The following SLC8A3 variants were observed in gnomAD, a reference collection of about 807,000 sequenced individuals.
SLC8A3 encodes the protein sodium/calcium exchanger 3.
Under a neutral mutation model 65.4 loss-of-function variants are expected in SLC8A3, and 37 were observed. That is an observed-to-expected ratio of 0.57 (90% CI 0.44 to 0.74). The LOEUF (loss-of-function observed/expected upper bound fraction) is 0.74. Among genes scored for constraint, SLC8A3 ranks in the 30% least tolerant of loss-of-function variants. The pLI is 0.00. For missense variants in SLC8A3, 1,112 were observed against 1,172.1 expected, an observed-to-expected ratio of 0.95 and a Z score of 0.75; for synonymous variants, 461 against 444.5, an observed-to-expected ratio of 1.04 and a Z score of -0.47.
intron 2 of SLC8A3, among the ~76,000 whole-genome samples, chr14:70,124,500 T>C (rs1390585805): frequency 6.6e-6 from 1 of 152,264 alleles, no homozygotes; most frequent in Non-Finnish European, 1.5e-5. Flanking sequence ...ATCCTGATGA[T>C]TCATTTATGA....
chr14:70,154,145 A>T (rs960735894), intron 2 of SLC8A3, among the ~76,000 whole-genome samples: 5 of 152,238 alleles, frequency 3.3e-5, no homozygotes, highest in African/African-American at 1.2e-4. Context: ...TTAAAGAAGA[A>T]ACGTAGAATG....
intron 2 of SLC8A3, among the ~76,000 whole-genome samples, chr14:70,095,518 C>T (rs1181560789): frequency 6.6e-6 from 1 of 152,222 alleles, no homozygotes; most frequent in Non-Finnish European, 1.5e-5. Flanking sequence ...GGCTTCCTTC[C>T]CGGCCTCCTT....
At chr14:70,077,504 G>A (rs1000341290) in intron 2 of SLC8A3, among the ~76,000 whole-genome samples, 3 of 152,080 alleles carry the variant, frequency 2.0e-5, no homozygotes, top group South Asian at 2.1e-4. Context: ...GGCTTCCAGG[G>A]TCCTGTTTTT....
chr14:70,174,651 GT>G lies in SLC8A3; in HGVS notation c.-62-6168del, dbSNP rs1286502376. On this transcript the variant is annotated intron_variant, in intron 1 of 6. Coordinates refer to ENST00000356921, the MANE Select transcript of SLC8A3 (RefSeq NM_182932.3). ...CCAAAAAGCCCCTTGGACCAAATCC[GT>G]TTTTTTTTTGTTTTTTTTTTTTTTT... Among the ~76,000 whole-genome samples the G allele has an allele frequency of 4.0e-3, 362 of 90,366 alleles. 2 individuals carry two copies. Among genetic ancestry groups the G allele is most frequent in the African/African-American group, 0.017 (335 of 20,254 alleles). The allele number at this position is 90,366 out of a possible 152,430, so 59.3% of individuals were successfully genotyped here. A position where few individuals can be genotyped will look rare whatever the true frequency, so the allele number is the denominator to read the frequency against.
intron 2 of SLC8A3, among the ~76,000 whole-genome samples, chr14:70,145,648 T>C (rs978471674): frequency 1.3e-5 from 2 of 152,178 alleles, no homozygotes; most frequent in Non-Finnish European, 2.9e-5. Flanking sequence ...GTCAAACAGA[T>C]CATTGTTTTC....
chr14:70,137,786 C>CT (rs36057761), intron 2 of SLC8A3, among the ~76,000 whole-genome samples: 32,564 of 132,082 alleles, frequency 0.25, 4,553 homozygotes, highest in East Asian at 0.45. Context: ...CTGGTGGTGC[C>CT]TTTTTTTTTT....
At chr14:70,106,962 G>A (rs923476204) in intron 2 of SLC8A3, among the ~76,000 whole-genome samples, 12 of 152,126 alleles carry the variant, frequency 7.9e-5, no homozygotes, top group African/African-American at 2.9e-4. Flanking sequence ...CATAAAAGAT[G>A]AGAGAAATCT....
chr14:70,120,326 T>C (rs1479030957), intron 2 of SLC8A3, among the ~76,000 whole-genome samples: 1 of 152,208 alleles, frequency 6.6e-6, no homozygotes, highest in Non-Finnish European at 1.5e-5. Flanking sequence ...AAAGGGAAAT[T>C]GGAGTGTTTA....
intron 3 of SLC8A3, among the ~76,000 whole-genome samples, chr14:70,058,065 C>A (rs1269679175): frequency 2.0e-5 from 3 of 152,190 alleles, no homozygotes; most frequent in Non-Finnish European, 4.4e-5. Context: ...TTTTCCATCC[C>A]CCAGCTCATC....
At position 70,167,749 on chromosome 14, in the gene SLC8A3, G is replaced by A. The variant is rs772793310; in HGVS notation, c.674C>T (p.Ser225Phe). The A allele has an allele frequency of 1.9e-6, 3 of 1,614,184 alleles. No individual in the cohort carries two copies. The highest frequency in any genetic ancestry group is 1.7e-6 in the Non-Finnish European group (2 of 1,180,034). The change falls in exon 2 of 7, where the codon TCC becomes TTC. Residue 225 changes from serine to phenylalanine, a missense_variant. By Grantham distance (155) the Ser-to-Phe change is radical (BLOSUM62 -2). Transcript: ENST00000356921. Reference sequence around the variant, plus strand: ...TTCCCAAACCTGGACCACACCAGGGGAGAAGACTGCCAGAATCATATAGAG... The same window carrying A: ...TTCCCAAACCTGGACCACACCAGGGAAGAAGACTGCCAGAATCATATAGAG... The part of the protein sequence containing the change: ...IWLYMILAVF[S>F]PGVVQVWEGL...
At chr14:70,089,372 C>T (rs1891663128) in intron 2 of SLC8A3, among the ~76,000 whole-genome samples, 1 of 152,054 alleles carries the variant, frequency 6.6e-6, no homozygotes, top group African/African-American at 2.4e-5. Flanking sequence ...GTTTCCAAAC[C>T]ATAACAGGAG....
chr14:70,055,679 G>A (rs963179234), intron 3 of SLC8A3: 8 of 787,742 alleles, frequency 1.0e-5, no homozygotes, highest in Admixed American at 6.6e-5. Flanking sequence ...GGGAGAAATT[G>A]TCAGGTTAAC....
At chr14:70,059,643 G>A (rs1888551645) in intron 3 of SLC8A3, among the ~76,000 whole-genome samples, 3 of 152,276 alleles carry the variant, frequency 2.0e-5, no homozygotes, top group Admixed American at 1.3e-4. Context: ...GGTATTCTCA[G>A]ATGCAGGTCC....
chr14:70,085,245 A>AT (rs1470226859), intron 2 of SLC8A3, among the ~76,000 whole-genome samples: 1 of 151,776 alleles, frequency 6.6e-6, no homozygotes, highest in African/African-American at 2.4e-5. Context: ...TTAGCACCCC[A>AT]TTTTTCATGC....
chr14:70,138,516 C>T (rs1009491766), intron 2 of SLC8A3, among the ~76,000 whole-genome samples: 10 of 152,198 alleles, frequency 6.6e-5, no homozygotes, highest in Admixed American at 5.2e-4. Context: ...CACCATTCAT[C>T]GGAATCAAGC....
intron 2 of SLC8A3, among the ~76,000 whole-genome samples, chr14:70,099,659 A>G (rs2140100623): frequency 6.6e-6 from 1 of 152,288 alleles, no homozygotes; most frequent in South Asian, 2.1e-4. Context: ...CAGGAAAATG[A>G]CCTAGATTTG....
chr14:70,167,217 T>C lies in SLC8A3; in HGVS notation c.1206A>G (p.Pro402=), dbSNP rs372919871. Residue 402 remains proline (P), a synonymous_variant, in exon 2 of 7, where the codon CCA becomes CCG. Coordinates refer to ENST00000356921, the MANE Select transcript of SLC8A3 (RefSeq NM_182932.3). The part of the protein sequence containing the change: ...EDFISKVFFD[P]CSYQCLENCG... ...AGTTCTCCAGGCACTGGTAAGAACATGGGTCAAAGAAGACCTTGGAAATAA... is the reference window on the plus strand; with the variant it reads ...AGTTCTCCAGGCACTGGTAAGAACACGGGTCAAAGAAGACCTTGGAAATAA... The C allele has an allele frequency of 4.6e-5, 75 of 1,614,056 alleles. No homozygotes were observed. The highest frequency in any genetic ancestry group is 5.6e-5 in the Non-Finnish European group (66 of 1,180,036).
intron 1 of SLC8A3, among the ~76,000 whole-genome samples, chr14:70,185,774 T>A (rs1426600999): frequency 6.6e-6 from 1 of 152,212 alleles, no homozygotes; most frequent in Non-Finnish European, 1.5e-5. Flanking sequence ...GTGCCTGGCA[T>A]TACTTAATCA....
At chr14:70,080,170 CT>C in intron 2 of SLC8A3, 2 of 985,438 alleles carry the variant, frequency 2.0e-6, no homozygotes, top group Non-Finnish European at 2.4e-6. Context: ...CTGTCATTCC[CT>C]AGGTTTTCGG....
Sources: allele counts gnomAD v4.1 joint callset (sites outside exome capture counted in the v4.1 genomes callset), GRCh38; gene constraint gnomAD v4.1.1; transcripts MANE v1.5; gene names NCBI Gene and HGNC (gene_info 2026-07-23, HGNC 2026-07-21).